Variants in RANBP17 observed in about 807,000 individuals in gnomAD.
RANBP17 encodes the protein ran-binding protein 17.
A neutral mutation model predicts 141.2 loss-of-function variants in RANBP17; 158 were observed. That is an observed-to-expected ratio of 1.12 (90% CI 0.98 to 1.28). The LOEUF (loss-of-function observed/expected upper bound fraction) is 1.28. RANBP17 is among the 50% of genes most tolerant of loss of function. The pLI is 0.00. For synonymous variants in RANBP17, 430 were observed against 450.0 expected (o/e 0.96, Z 0.56); for missense variants, 1,438 against 1,290.7 (o/e 1.11, Z -1.75).
chr5:171,190,484 G>A (rs1359960353), intron 18 of RANBP17, among the ~76,000 whole-genome samples: 2 of 152,132 alleles, frequency 1.3e-5, no homozygotes, highest in East Asian at 3.8e-4. Context: ...TTTTTTTGGT[G>A]TTCGAAGAAA....
intron 12 of RANBP17, among the ~76,000 whole-genome samples, chr5:170,933,366 C>T (rs1324840353): frequency 1.3e-5 from 2 of 152,018 alleles, no homozygotes; most frequent in Non-Finnish European, 1.5e-5. Context: ...AAAACCAGCT[C>T]CTGGATTCAT....
intron 8 of RANBP17, among the ~76,000 whole-genome samples, chr5:170,915,536 T>A (rs1561885903): frequency 6.6e-6 from 1 of 152,128 alleles, no homozygotes; most frequent in Non-Finnish European, 1.5e-5. Context: ...TTTTTGTTTT[T>A]AATTTGGGTT....
intron 18 of RANBP17, among the ~76,000 whole-genome samples, chr5:171,186,526 CTTTTTTTTTTTTTTTT>C (rs757585137): frequency 7.2e-5 from 3 of 41,650 alleles, no homozygotes; most frequent in East Asian, 1.8e-3. Context: ...GTATGATTTT[CTTTTTTTTTTTTTTTT>C]TTTTTTTTTT....
intron 14 of RANBP17, among the ~76,000 whole-genome samples, chr5:171,155,094 A>AAATATAT (rs34090443): frequency 5.6e-4 from 42 of 74,962 alleles, no homozygotes; most frequent in African/African-American, 1.3e-3. Context: ...AAAAAAAAAA[A>AAATATAT]ATATATATAT....
intron 14 of RANBP17, among the ~76,000 whole-genome samples, chr5:171,159,559 A>G (rs749079775): frequency 3.3e-5 from 5 of 152,108 alleles, no homozygotes; most frequent in Non-Finnish European, 5.9e-5. Context: ...CCCATCACCT[A>G]AAAACTCTTA....
intron 14 of RANBP17, among the ~76,000 whole-genome samples, chr5:171,160,907 C>T (rs1464031222): frequency 1.3e-5 from 2 of 152,138 alleles, no homozygotes; most frequent in Admixed American, 6.5e-5. Context: ...ATTCTCCTGC[C>T]TCAGCCTCCC....
intron 24 of RANBP17, chr5:171,252,252 AAAAC>A (rs1438142680): frequency 5.7e-6 from 9 of 1,572,840 alleles, no homozygotes; most frequent in Non-Finnish European, 7.8e-6. Flanking sequence ...GAAAGCAAGA[AAAAC>A]AAAATGGCCG....
intron 14 of RANBP17, among the ~76,000 whole-genome samples, chr5:171,134,084 C>T (rs1757105842): frequency 1.3e-5 from 2 of 152,134 alleles, no homozygotes; most frequent in Admixed American, 1.3e-4. Flanking sequence ...GTCCTAAAGT[C>T]CTAAATGGAA....
At chr5:171,273,079 T>C (rs1767229656) in intron 25 of RANBP17, among the ~76,000 whole-genome samples, 1 of 152,122 alleles carries the variant, frequency 6.6e-6, no homozygotes, top group East Asian at 1.9e-4. Context: ...GCTCTTGAGG[T>C]TTAACCTGAT....
At chr5:171,231,614 A>G (rs1349047144) in intron 22 of RANBP17, among the ~76,000 whole-genome samples, 2 of 152,224 alleles carry the variant, frequency 1.3e-5, no homozygotes, top group East Asian at 3.8e-4. Context: ...CTACCAGTTA[A>G]CAATTGTGCG....
intron 14 of RANBP17, among the ~76,000 whole-genome samples, chr5:171,053,062 C>T (rs1581500161): frequency 6.6e-6 from 1 of 152,126 alleles, no homozygotes; most frequent in African/African-American, 2.4e-5. Flanking sequence ...TCAGGTGATC[C>T]ACCTGCCTCA....
At chr5:171,100,609 C>T (rs1307176874) in intron 14 of RANBP17, among the ~76,000 whole-genome samples, 2 of 152,094 alleles carry the variant, frequency 1.3e-5, no homozygotes, top group Non-Finnish European at 1.5e-5. Flanking sequence ...TTCAGTTCTG[C>T]TCTGATCTTA....
At chr5:170,891,902 CA>C (rs1412699002) in intron 3 of RANBP17, among the ~76,000 whole-genome samples, 1 of 152,146 alleles carries the variant, frequency 6.6e-6, no homozygotes, top group East Asian at 1.9e-4. Context: ...CATGCAGAAA[CA>C]AAAGTGACAT....
At chr5:171,156,344 A>G (rs981716981) in intron 14 of RANBP17, among the ~76,000 whole-genome samples, 4 of 152,146 alleles carry the variant, frequency 2.6e-5, no homozygotes, top group Non-Finnish European at 4.4e-5. Flanking sequence ...CTTAGTTCTC[A>G]GTAATTGAGT....
chr5:171,159,768 A>G (rs1039721317), intron 14 of RANBP17, among the ~76,000 whole-genome samples: 1 of 151,898 alleles, frequency 6.6e-6, no homozygotes, highest in Non-Finnish European at 1.5e-5. Context: ...AAAAAAATAC[A>G]AAAACTTAGC....
intron 14 of RANBP17, among the ~76,000 whole-genome samples, chr5:171,077,712 A>T (rs1027982373): frequency 2.2e-4 from 34 of 152,210 alleles, no homozygotes; most frequent in African/African-American, 7.0e-4. Flanking sequence ...TTACTTTTTT[A>T]AAAAACATGA....
At chr5:171,261,086 C>T (rs1766289579) in intron 24 of RANBP17, among the ~76,000 whole-genome samples, 1 of 59,012 alleles carries the variant, frequency 1.7e-5, no homozygotes. Flanking sequence ...CCCCCCACCC[C>T]CCCCAAAAAA....
chr5:171,205,509 CTT>C lies in RANBP17; in HGVS notation c.2143-13_2143-12del. ...AACGTGAAAATCAATTACTGTGTCT[CTT>C]TCCCACTGACAGCGTATGTTGATCG... On this transcript the variant is annotated splice_polypyrimidine_tract_variant and intron_variant, in intron 19 of 27. Coordinates refer to ENST00000523189, the MANE Select transcript of RANBP17 (RefSeq NM_022897.5). 6.2e-7 allele frequency: 1 copy of C among 1,610,902 alleles called. No homozygotes were observed. Among genetic ancestry groups the C allele is most frequent in the Admixed American group, 1.7e-5 (1 of 59,946 alleles).
intron 14 of RANBP17, among the ~76,000 whole-genome samples, chr5:171,123,529 C>A (rs1756199530): frequency 6.6e-6 from 1 of 152,222 alleles, no homozygotes; most frequent in Non-Finnish European, 1.5e-5. Flanking sequence ...AAACTGCCCA[C>A]CCCACTGCCA....
Sources: gnomAD v4.1 joint callset for allele counts (sites outside exome capture counted in the v4.1 genomes callset) on GRCh38, gnomAD v4.1.1 for gene constraint, MANE v1.5 for transcripts, NCBI Gene and HGNC (gene_info 2026-07-23, HGNC 2026-07-21) for gene names.